Variants in MYO5B observed in about 807,000 individuals in gnomAD.
MYO5B encodes the protein myosin VB.
MYO5B carries 143 observed loss-of-function variants against 229.3 expected under a neutral mutation model. The ratio of observed to expected loss-of-function variants is 0.62; its 90% CI spans 0.54 to 0.72. The LOEUF is 0.72. Among genes scored for constraint, MYO5B ranks in the 30% least tolerant of loss-of-function variants. MYO5B has a pLI of 0.00. For synonymous variants in MYO5B, 918 were observed against 885.2 expected, an observed-to-expected ratio of 1.04 and a Z score of -0.66; for missense variants, 2,321 against 2,331.0, an observed-to-expected ratio of 1.00 and a Z score of 0.09.
chr18:50,189,907 C>T (rs1490870535), intron 1 of MYO5B, among the ~76,000 whole-genome samples: 1 of 152,100 alleles, frequency 6.6e-6, no homozygotes, highest in Non-Finnish European at 1.5e-5. Flanking sequence ...TCCCAAATCG[C>T]GCCCTTAGTA....
At chr18:49,940,432 A>G (rs1351377924) in intron 14 of MYO5B, among the ~76,000 whole-genome samples, 1 of 152,160 alleles carries the variant, frequency 6.6e-6, no homozygotes, top group Non-Finnish European at 1.5e-5. Flanking sequence ...AGTTTCTGCA[A>G]CCTTATTAGG....
chr18:49,866,176 C>T (rs2024393717), intron 27 of MYO5B, among the ~76,000 whole-genome samples: 1 of 152,174 alleles, frequency 6.6e-6, no homozygotes, highest in South Asian at 2.1e-4. Flanking sequence ...TCACGCCATT[C>T]TCCTGCTTCA....
chr18:50,126,908 A>G (rs1483197561), intron 1 of MYO5B, among the ~76,000 whole-genome samples: 1 of 152,254 alleles, frequency 6.6e-6, no homozygotes, highest in Non-Finnish European at 1.5e-5. Flanking sequence ...TTATTAAATG[A>G]GCTGACATAC....
At chr18:49,980,749 T>C (rs1009495212) in intron 8 of MYO5B, among the ~76,000 whole-genome samples, 196 bp from the exon 9 acceptor site, 2 of 152,134 alleles carry the variant, frequency 1.3e-5, no homozygotes, top group Non-Finnish European at 2.9e-5. Context: ...AGGGGCTCCT[T>C]GGACTAAAAA....
chr18:49,916,032 C>T (rs989130466), intron 17 of MYO5B, among the ~76,000 whole-genome samples: 2 of 152,222 alleles, frequency 1.3e-5, no homozygotes, highest in Non-Finnish European at 2.9e-5. Flanking sequence ...CTGACCCACC[C>T]GCTCAGGTGC....
At chr18:49,991,400 C>A (rs1329152218) in intron 6 of MYO5B, among the ~76,000 whole-genome samples, 1 of 152,094 alleles carries the variant, frequency 6.6e-6, no homozygotes, top group East Asian at 1.9e-4. Context: ...CAGACTCAAA[C>A]CAGGACCTGA....
intron 1 of MYO5B, among the ~76,000 whole-genome samples, chr18:50,105,359 G>T (rs1223468146): frequency 6.6e-6 from 1 of 152,132 alleles, no homozygotes; most frequent in African/African-American, 2.4e-5. Flanking sequence ...GTGAAAGCCA[G>T]GATGTCATTA....
At chr18:50,126,887 G>T (rs1319157208) in intron 1 of MYO5B, among the ~76,000 whole-genome samples, 2 of 152,186 alleles carry the variant, frequency 1.3e-5, no homozygotes, top group African/African-American at 4.8e-5. Flanking sequence ...GCATCTCATT[G>T]TAAAATAGGG....
intron 6 of MYO5B, 109 bp from the exon 7 acceptor site, chr18:49,990,629 C>A: frequency 3.5e-6 from 3 of 868,054 alleles, no homozygotes; most frequent in African/African-American, 3.3e-5. Flanking sequence ...GCCCCCCACT[C>A]TTCCCAGTGT....
chr18:49,981,664 G>C (rs914079743), intron 8 of MYO5B, among the ~76,000 whole-genome samples: 1 of 152,206 alleles, frequency 6.6e-6, no homozygotes, highest in Non-Finnish European at 1.5e-5. Context: ...AACACTGCCT[G>C]GAACATAGCA....
At chr18:50,035,550 G>C (rs992846782) in intron 4 of MYO5B, among the ~76,000 whole-genome samples, 1 of 152,174 alleles carries the variant, frequency 6.6e-6, no homozygotes. Context: ...AGAAACTCAT[G>C]CGCAGGCTGC....
At position 49,872,155 on chromosome 18, in the gene MYO5B, C is replaced by G; in HGVS notation, c.3603+12G>C. The G allele has an allele frequency of 6.2e-7, 1 of 1,613,712 alleles. No homozygotes were observed. ...GGAGTGTTCCAGGAAGCCTGTCCCCCAAGAATCTTACCTTCAGACTATTGT... is the reference window on the plus strand; with the variant it reads ...GGAGTGTTCCAGGAAGCCTGTCCCCGAAGAATCTTACCTTCAGACTATTGT... On this transcript the variant is annotated intron_variant, in intron 27 of 39. Transcript: ENST00000285039.
At chr18:49,983,454 G>A (rs2025837709) in intron 8 of MYO5B, among the ~76,000 whole-genome samples, 1 of 152,154 alleles carries the variant, frequency 6.6e-6, no homozygotes, top group African/African-American at 2.4e-5. Flanking sequence ...GCTCTGGCCT[G>A]CATCCTCTGG....
At chr18:50,034,623 A>C (rs898530122) in intron 4 of MYO5B, among the ~76,000 whole-genome samples, 2 of 152,092 alleles carry the variant, frequency 1.3e-5, no homozygotes, top group Non-Finnish European at 2.9e-5. Context: ...AGGCACCTAT[A>C]ATCCCAGTTA....
At chr18:50,104,265 G>GATATAAATATAT (rs1555659350) in intron 1 of MYO5B, among the ~76,000 whole-genome samples, 6 of 134,570 alleles carry the variant, frequency 4.5e-5, no homozygotes, top group Admixed American at 7.5e-5. Context: ...ATCTATACAT[G>GATATAAATATAT]ATATATATAT....
At chr18:49,860,446 T>C (rs1189048696) in intron 29 of MYO5B, among the ~76,000 whole-genome samples, 1 of 152,188 alleles carries the variant, frequency 6.6e-6, no homozygotes, top group Non-Finnish European at 1.5e-5. Context: ...TGGTGTCTCT[T>C]AGTTCCCAGA....
At chr18:49,848,187 T>C (rs1394432497) in intron 32 of MYO5B, among the ~76,000 whole-genome samples, 3 of 152,114 alleles carry the variant, frequency 2.0e-5, no homozygotes, top group Non-Finnish European at 4.4e-5. Flanking sequence ...TACATTCACA[T>C]GGAAACACTA....
At chr18:50,004,006 C>T (rs932640700) in intron 4 of MYO5B, among the ~76,000 whole-genome samples, 2 of 152,144 alleles carry the variant, frequency 1.3e-5, no homozygotes, top group African/African-American at 2.4e-5. Context: ...AGGTTACACT[C>T]GGCAAAGACA....
intron 3 of MYO5B, among the ~76,000 whole-genome samples, chr18:50,039,044 G>A (rs780715490): frequency 6.6e-6 from 1 of 152,118 alleles, no homozygotes; most frequent in African/African-American, 2.4e-5. Context: ...CCAAACCAAA[G>A]TGGAATATAA....
Sources: allele counts gnomAD v4.1 joint callset (sites outside exome capture counted in the v4.1 genomes callset), GRCh38; gene constraint gnomAD v4.1.1; transcripts MANE v1.5; gene names NCBI Gene and HGNC (gene_info 2026-07-23, HGNC 2026-07-21).